TRIM66: variants seen among roughly 807,000 people sequenced by gnomAD.
The protein encoded by TRIM66 is tripartite motif-containing protein 66.
TRIM66 carries 99 observed loss-of-function variants against 148.2 expected under a neutral mutation model. The ratio of observed to expected loss-of-function variants is 0.67; its 90% CI spans 0.57 to 0.79. TRIM66 has a LOEUF of 0.79. Among genes scored for constraint, TRIM66 ranks in the 30% least tolerant of loss-of-function variants. The pLI is 0.00. For missense variants in TRIM66, 1,666 were observed against 1,697.9 expected (o/e 0.98, Z 0.33); for synonymous variants, 616 against 635.9 (o/e 0.97, Z 0.47).
chr11:8,623,752 T>C (rs1361159263), intron 17 of TRIM66, among the ~76,000 whole-genome samples: 4 of 152,130 alleles, frequency 2.6e-5, no homozygotes, highest in African/African-American at 7.2e-5. Flanking sequence ...GAGAAGCGAA[T>C]CAGAACCAAT....
At chr11:8,663,476 A>C (rs779384175) in intron 6 of TRIM66, among the ~76,000 whole-genome samples, 1 of 152,200 alleles carries the variant, frequency 6.6e-6, no homozygotes, top group Non-Finnish European at 1.5e-5. Flanking sequence ...TAGAACAACT[A>C]TAAGAATATA....
Position 8,630,518 on chromosome 11 carries a change from A to G in TRIM66, c.2311-5290T>C, listed in dbSNP as rs549999705. Among the ~76,000 whole-genome samples the G allele has an allele frequency of 3.3e-5, 5 of 152,330 alleles. No individual in the cohort carries two copies. In the East Asian group the frequency reaches 9.7e-4, roughly 29 times the overall value. ...TGAGATTCACTACTGAAAATAAACT[A>G]TTTTCTAGTTCAGAGAGGAAGAGTC... On this transcript the variant is annotated intron_variant, in intron 15 of 24. Transcript: ENST00000646038.
At position 8,656,266 on chromosome 11, in the gene TRIM66, ATTAGT is replaced by A. The variant is rs2037821144; in HGVS notation, c.341-4368_341-4364del. ...AAACATCTACTTAACAATATTTAAT[ATTAGT>A]TTAGTTATAAATACATATTTAAATC... On this transcript the variant is annotated intron_variant, in intron 6 of 24. Transcript: ENST00000646038. Among the ~76,000 whole-genome samples, 5 of 152,398 alleles carry A rather than the reference ATTAGT, an allele frequency of 3.3e-5. No individual in the cohort carries two copies. The South Asian group carries it at 1.0e-3, about 32-fold the overall frequency.
At chr11:8,668,242 C>A (rs915418752) in intron 6 of TRIM66, among the ~76,000 whole-genome samples, 2 of 150,708 alleles carry the variant, frequency 1.3e-5, no homozygotes, top group African/African-American at 4.9e-5. Flanking sequence ...ATATTCAAGT[C>A]TTTTGCCCAT....
intron 20 of TRIM66, 56 bp downstream of exon 20, chr11:8,620,976 A>G: frequency 1.3e-6 from 2 of 1,512,562 alleles, no homozygotes; most frequent in South Asian, 1.3e-5. Flanking sequence ...TGGAATAATC[A>G]TCCCTGGAAG....
intron 6 of TRIM66, among the ~76,000 whole-genome samples, chr11:8,669,151 A>G (rs919416509): frequency 6.6e-6 from 1 of 152,186 alleles, no homozygotes; most frequent in Non-Finnish European, 1.5e-5. Flanking sequence ...CAGAGGCCCA[A>G]TATCATTTGG....
At chr11:8,678,620 C>G (rs1875568) in intron 3 of TRIM66, among the ~76,000 whole-genome samples, 1 of 151,936 alleles carries the variant, frequency 6.6e-6, no homozygotes, top group Admixed American at 6.6e-5. Flanking sequence ...GATTTCTGAG[C>G]TTTTCTCTAA....
intron 23 of TRIM66, 100 bp from the exon 24 acceptor site, chr11:8,619,068 G>T: frequency 9.4e-7 from 1 of 1,068,784 alleles, no homozygotes; most frequent in Non-Finnish European, 1.4e-6. Flanking sequence ...CTAGCGGGGT[G>T]TCCTGAGGTG....
intron 14 of TRIM66, among the ~76,000 whole-genome samples, chr11:8,639,961 T>G (rs920492850): frequency 6.6e-6 from 1 of 152,126 alleles, no homozygotes; most frequent in Non-Finnish European, 1.5e-5. Flanking sequence ...GGGTCCCTAC[T>G]GTCATCCAGG....
chr11:8,625,462 ATTGT>A lies in TRIM66; in HGVS notation c.2311-238_2311-235del, dbSNP rs752464449. Reference sequence around the variant, plus strand: ...GAGAGAGAGGCACAAGCGGAGAACTATTGTGTGTGTGTGTGTGTGTGTGTGTGTG... The same window carrying A: ...GAGAGAGAGGCACAAGCGGAGAACTAGTGTGTGTGTGTGTGTGTGTGTGTG... On this transcript the variant is annotated intron_variant, in intron 15 of 24. Transcript: ENST00000646038. Among the ~76,000 whole-genome samples, 309 of 43,628 alleles carry A rather than the reference ATTGT, an allele frequency of 7.1e-3. 1 individual carries two copies. The highest frequency in any genetic ancestry group is 0.043 in the South Asian group (30 of 698). 28.6% of individuals were successfully genotyped at this position (43,628 alleles called of 152,430 possible). A position where few individuals can be genotyped will look rare whatever the true frequency, so the allele number is the denominator to read the frequency against.
rs2033624291 is a variant in TRIM66 at position 8,614,860 on chromosome 11, A to C, written c.*3084T>G. 1 of 152,238 alleles carries C rather than the reference A, an allele frequency of 6.6e-6. No homozygotes were observed. The highest frequency in any genetic ancestry group is 2.1e-4 in the South Asian group (1 of 4,836). 9.4% of individuals were successfully genotyped at this position (152,238 alleles called of 1,614,324 possible). A position where few individuals can be genotyped will look rare whatever the true frequency, so the allele number is the denominator to read the frequency against. On this transcript the variant is annotated 3_prime_UTR_variant, in exon 25 of 25. Coordinates refer to ENST00000646038, the MANE Select transcript of TRIM66 (RefSeq NM_001388022.1). ...AGGCAGGCAAGGTGTATAGTTAGCAATTGCTAGAAGTCAGGCAGGGCTAAC... is the reference window on the plus strand; with the variant it reads ...AGGCAGGCAAGGTGTATAGTTAGCACTTGCTAGAAGTCAGGCAGGGCTAAC...
chr11:8,654,049 G>C (rs997352700), intron 6 of TRIM66, among the ~76,000 whole-genome samples: 2 of 152,124 alleles, frequency 1.3e-5, no homozygotes, highest in Non-Finnish European at 2.9e-5. Context: ...TGTTGAAAAC[G>C]ACTTCCACAA....
intron 10 of TRIM66, 99 bp from the exon 11 acceptor site, chr11:8,646,660 T>C (rs536652139): frequency 3.4e-6 from 3 of 893,250 alleles, no homozygotes; most frequent in Admixed American, 2.0e-5. Context: ...GGCTGCCTAC[T>C]GAGATCAGGG....
chr11:8,683,150 CG>C, upstream of TRIM66: 1 of 1,548,492 alleles, frequency 6.5e-7, no homozygotes, highest in South Asian at 1.1e-5. Flanking sequence ...TGGCGGGCAT[CG>C]CCCCCTGCCC....
intron 12 of TRIM66, among the ~76,000 whole-genome samples, chr11:8,645,039 T>C (rs767944822): frequency 1.3e-5 from 2 of 152,050 alleles, no homozygotes; most frequent in Non-Finnish European, 2.9e-5. Flanking sequence ...TCTTCCTCTG[T>C]CTATGCTGAA....
intron 6 of TRIM66, among the ~76,000 whole-genome samples, chr11:8,663,846 C>T (rs4272783): frequency 0.33 from 50,647 of 151,900 alleles, 8,905 homozygotes; most frequent in East Asian, 0.6. Context: ...GTACTTACAG[C>T]ACATTGTAAG....
chr11:8,621,711 A>T lies in TRIM66; in HGVS notation c.3189T>A (p.Asn1063Lys), dbSNP rs1451382980. The T allele has an allele frequency of 6.4e-7, 1 of 1,551,684 alleles. No individual in the cohort carries two copies. Among genetic ancestry groups the T allele is most frequent in the African/African-American group, 1.4e-5 (1 of 73,040 alleles). Residue 1063 changes from asparagine (N) to lysine (K), a missense_variant, in exon 19 of 25, where the codon AAT becomes AAA. Transcript: ENST00000646038. ...TCAGCAGGAAGCTCCCATCCTGATC[A>T]TTCTTCTGTGGCTTCAGTTTGAACA... Reference protein sequence around the residue: ...MPVFKLKPQKNDQDGSFLLII... With the variant: ...MPVFKLKPQKKDQDGSFLLII...
chr11:8,643,268 G>A (rs925789149), intron 12 of TRIM66, 142 bp from the exon 13 acceptor site: 4 of 574,698 alleles, frequency 7.0e-6, no homozygotes, highest in Middle Eastern at 2.6e-4. Context: ...TCATTCTCTT[G>A]CACCTTAGCA....
intron 1 of TRIM66, among the ~76,000 whole-genome samples, chr11:8,681,429 G>A (rs1169797933): frequency 3.3e-5 from 5 of 152,044 alleles, no homozygotes; most frequent in East Asian, 3.9e-4. Context: ...CACCACGCCC[G>A]GCCAGAATTT....
Sources: gnomAD v4.1 joint callset for allele counts (sites outside exome capture counted in the v4.1 genomes callset) on GRCh38, gnomAD v4.1.1 for gene constraint, MANE v1.5 for transcripts, NCBI Gene and HGNC (gene_info 2026-07-23, HGNC 2026-07-21) for gene names.